The following PCDH7 variants were observed in gnomAD, a reference collection of about 807,000 sequenced individuals.
PCDH7 encodes protocadherin 7.
In PCDH7, 17 loss-of-function variants were observed where a neutral mutation model predicts 58.9. The observed-to-expected ratio is 0.29, with a 90% confidence interval of 0.20 to 0.43. The LOEUF (loss-of-function observed/expected upper bound fraction) is 0.43. Ranked by LOEUF, PCDH7 falls within the 20% of genes least tolerant of loss-of-function variation. The pLI, the probability that PCDH7 is intolerant of heterozygous loss-of-function variation, is 1.00. For synonymous variants in PCDH7, 664 were observed against 616.4 expected (o/e 1.08, Z -1.14); for missense variants, 1,274 against 1,441.0 (o/e 0.88, Z 1.88).
intron 1 of PCDH7, chr4:30,884,769 G>A (rs1329226161): frequency 8.5e-5 from 13 of 152,144 alleles, no homozygotes. Flanking sequence ...TCTCACCCTG[G>A]TTTAATGTGG....
chr4:30,857,891 A>G (rs949263269), intron 1 of PCDH7, among the ~76,000 whole-genome samples: 2 of 152,182 alleles, frequency 1.3e-5, no homozygotes, highest in Non-Finnish European at 2.9e-5. Context: ...AACTCTTCAC[A>G]TAAACAATGC....
At chr4:30,960,711 A>G (rs2109459276) in intron 3 of PCDH7, among the ~76,000 whole-genome samples, 1 of 152,300 alleles carries the variant, frequency 6.6e-6, no homozygotes, top group East Asian at 1.9e-4. Context: ...TTTCCTGGGT[A>G]TTACAGATGC....
chr4:30,834,754 G>A (rs182151702), intron 1 of PCDH7, among the ~76,000 whole-genome samples: 1 of 151,992 alleles, frequency 6.6e-6, no homozygotes, highest in African/African-American at 2.4e-5. Context: ...TATGTCTGAG[G>A]ATGTTCCCTT....
At chr4:31,030,516 C>T (rs2109185178) in intron 3 of PCDH7, among the ~76,000 whole-genome samples, 1 of 152,198 alleles carries the variant, frequency 6.6e-6, no homozygotes, top group Admixed American at 6.5e-5. Flanking sequence ...CCAAGTTACA[C>T]TTTTATTTAC....
intron 3 of PCDH7, among the ~76,000 whole-genome samples, chr4:31,114,658 C>T (rs1267979759): frequency 6.6e-6 from 1 of 151,520 alleles, no homozygotes; most frequent in Non-Finnish European, 1.5e-5. Context: ...CACACACACA[C>T]ACACACACAC....
At chr4:31,133,533 C>A (rs533032562) in intron 3 of PCDH7, among the ~76,000 whole-genome samples, 6 of 152,194 alleles carry the variant, frequency 3.9e-5, no homozygotes, top group African/African-American at 7.2e-5. Context: ...TTTATAAATT[C>A]TCTTTATCTA....
At chr4:30,767,405 A>G (rs1365483239) in intron 1 of PCDH7, among the ~76,000 whole-genome samples, 4 of 152,318 alleles carry the variant, frequency 2.6e-5, no homozygotes, top group South Asian at 2.1e-4. Flanking sequence ...TCAGTGCCAC[A>G]GGAAGTGATG....
At chr4:31,106,529 C>G (rs1281760958) in intron 3 of PCDH7, among the ~76,000 whole-genome samples, 1 of 152,166 alleles carries the variant, frequency 6.6e-6, no homozygotes, top group African/African-American at 2.4e-5. Flanking sequence ...TTATACTCTG[C>G]TCCTTTGGAT....
At chr4:30,811,786 A>G (rs566737395) in intron 1 of PCDH7, among the ~76,000 whole-genome samples, 1 of 152,342 alleles carries the variant, frequency 6.6e-6, no homozygotes, top group East Asian at 1.9e-4. Flanking sequence ...CCTAGGGGCC[A>G]TGAAAGTCCT....
At chr4:30,821,387 C>A (rs1013051849) in intron 1 of PCDH7, among the ~76,000 whole-genome samples, 4 of 152,224 alleles carry the variant, frequency 2.6e-5, no homozygotes, top group Non-Finnish European at 5.9e-5. Context: ...GGGTCATCCC[C>A]ATTTAGATGT....
At chr4:30,937,023 G>A (rs1449925662) in intron 2 of PCDH7, among the ~76,000 whole-genome samples, 1 of 136,796 alleles carries the variant, frequency 7.3e-6, no homozygotes, top group Non-Finnish European at 1.6e-5. Flanking sequence ...TAGGGAGGAT[G>A]CTTAACTCAA....
Position 30,722,767 on chromosome 4 carries a change from G to C in PCDH7, c.1345G>C (p.Asp449His), listed in dbSNP as rs1293991242. 6.2e-7 allele frequency: 1 copy of C among 1,613,536 alleles called. No individual in the cohort carries two copies. The highest frequency in any genetic ancestry group is 8.5e-7 in the Non-Finnish European group (1 of 1,180,028). ...CCCCATCGCTCTGGTGCAGGTGTCCGACCGAGACCAAGGCGAGAACGGGGT... is the reference window on the plus strand; with the variant it reads ...CCCCATCGCTCTGGTGCAGGTGTCCCACCGAGACCAAGGCGAGAACGGGGT... Residue 449 changes from aspartate to histidine, a missense_variant, in exon 1 of 2, where the codon GAC becomes CAC. Physicochemically the swap from Asp to His is moderately conservative, Grantham distance 81. Coordinates refer to ENST00000361762, the Ensembl canonical transcript of PCDH7. This position sits in a 1 kb window ranked among gnomAD's most constrained non-coding sequence, Gnocchi z 7.6.
intron 1 of PCDH7, among the ~76,000 whole-genome samples, chr4:30,760,551 A>G (rs1696267552): frequency 6.6e-6 from 1 of 152,084 alleles, no homozygotes; most frequent in African/African-American, 2.4e-5. Context: ...TACACCAACA[A>G]CAGACAAGCA....
intron 1 of PCDH7, among the ~76,000 whole-genome samples, chr4:30,774,119 T>C (rs1419087351): frequency 6.6e-6 from 1 of 152,210 alleles, no homozygotes; most frequent in African/African-American, 2.4e-5. Context: ...TTCTGACTTT[T>C]CTCTGACCTC....
rs28590613 is a variant in PCDH7, at chr4:31,082,350, G to C, written c.*8-60123G>C. 3.6e-3 allele frequency among the ~76,000 whole-genome samples: 550 copies of C among 152,138 alleles called. 3 individuals carry two copies. The highest frequency in any genetic ancestry group is 0.013 in the African/African-American group (531 of 41,484). On this transcript the variant is annotated intron_variant, in intron 3 of 3. Transcript: ENST00000509759. ...CATATACTAAACATGCATATAAAAGGTCTGTAGATTACATTGTTTTTTTCC... is the reference window on the plus strand; with the variant it reads ...CATATACTAAACATGCATATAAAAGCTCTGTAGATTACATTGTTTTTTTCC...
intron 1 of PCDH7, among the ~76,000 whole-genome samples, chr4:30,747,064 C>G (rs188491178): frequency 6.6e-6 from 1 of 152,174 alleles, no homozygotes; most frequent in Admixed American, 6.5e-5. Flanking sequence ...TATTTCAATG[C>G]ATTTTTTGAA....
At chr4:30,982,110 T>A (rs532547190) in intron 3 of PCDH7, among the ~76,000 whole-genome samples, 13 of 152,316 alleles carry the variant, frequency 8.5e-5, no homozygotes, top group African/African-American at 2.9e-4. Context: ...AATGTATATG[T>A]TAGTTAGCTC....
At chr4:30,960,062 T>C (rs1317205582) in intron 3 of PCDH7, among the ~76,000 whole-genome samples, 1 of 142,490 alleles carries the variant, frequency 7.0e-6, no homozygotes, top group Non-Finnish European at 1.5e-5. Context: ...ATTATATAGA[T>C]AGTTAGAAAA....
intron 1 of PCDH7, among the ~76,000 whole-genome samples, chr4:30,760,908 T>A (rs991172153): frequency 3.3e-5 from 5 of 152,080 alleles, no homozygotes; most frequent in Non-Finnish European, 7.4e-5. Context: ...TCCCAATCAT[T>A]CTCTTTGGAG....
Sources: allele counts gnomAD v4.1 joint callset (sites outside exome capture counted in the v4.1 genomes callset), GRCh38; gene constraint gnomAD v4.1.1; non-coding constraint Gnocchi (gnomAD v3.1); transcripts MANE v1.5; gene names NCBI Gene and HGNC (gene_info 2026-07-23, HGNC 2026-07-21).